MINAR1: variants seen among roughly 807,000 people sequenced by gnomAD.
MINAR1 encodes membrane integral NOTCH2 associated receptor 1, also known as major intrinsically disordered Notch2-binding receptor 1.
MINAR1 carries 40 observed loss-of-function variants against 65.1 expected under a neutral mutation model. That is an observed-to-expected ratio of 0.61 (90% CI 0.48 to 0.80). The LOEUF (loss-of-function observed/expected upper bound fraction) is 0.80. MINAR1 is among the 30% of genes least tolerant of loss of function. The pLI is 0.00. For synonymous variants in MINAR1, 482 were observed against 449.1 expected (o/e 1.07, Z -0.93); for missense variants, 1,128 against 1,148.0 (o/e 0.98, Z 0.25).
rs975021691 is a variant in MINAR1 at position 79,469,859 on chromosome 15, G to A, written c.*1475G>A. 5.9e-5 allele frequency: 9 copies of A among 152,628 alleles called. No individual in the cohort carries two copies. Among genetic ancestry groups the A allele is most frequent in the Non-Finnish European group, 7.3e-5 (5 of 68,044 alleles). 9.5% of individuals were successfully genotyped at this position (152,628 alleles called of 1,614,324 possible). On this transcript the variant is annotated 3_prime_UTR_variant, in exon 4 of 4. Coordinates refer to ENST00000305428, the MANE Select transcript of MINAR1 (RefSeq NM_015206.3). The stretch of plus-strand genomic sequence containing the variant: ...TTTTGGTAGCAAGTGTAATCACTCC[G>A]TATGATATAATAAATTTCTAAAAGA...
At chr15:79,431,178 G>GAAGGA (rs1894426894), upstream of MINAR1, among the ~76,000 whole-genome samples, 1 of 144,320 alleles carries the variant, frequency 6.9e-6, no homozygotes, top group Non-Finnish European at 1.5e-5. Flanking sequence ...CGGTGGCAGG[G>GAAGGA]AAGGAGGTGG....
chr15:79,411,572 G>A, the MINAR1 span: 1 of 694,314 alleles, frequency 1.4e-6, no homozygotes, highest in Non-Finnish European at 2.6e-6. Context: ...TGAAGTGGGA[G>A]GAAGCTGCTG....
At chr15:79,459,947 T>G (rs74937466) in intron 2 of MINAR1, among the ~76,000 whole-genome samples, 7,308 of 152,210 alleles carry the variant, frequency 0.048, 376 homozygotes, top group East Asian at 0.29. Context: ...GTGCTTTGGG[T>G]TTCAGATATC....
chr15:79,454,133 G>T (rs1373092343), intron 1 of MINAR1, among the ~76,000 whole-genome samples: 1 of 152,206 alleles, frequency 6.6e-6, no homozygotes, highest in Non-Finnish European at 1.5e-5. Flanking sequence ...TCCATCAGAC[G>T]GATTGGAAGG....
chr15:79,439,802 G>A (rs918730207), intron 1 of MINAR1, among the ~76,000 whole-genome samples: 3 of 151,960 alleles, frequency 2.0e-5, no homozygotes, highest in South Asian at 2.1e-4. Context: ...GAAAGAACAC[G>A]GTGATTCTGA....
chr15:79,452,048 ATG>A (rs1018655379), intron 1 of MINAR1, among the ~76,000 whole-genome samples: 1 of 151,970 alleles, frequency 6.6e-6, no homozygotes, highest in East Asian at 1.9e-4. Context: ...GTGTTTGTGA[ATG>A]TGTGTGTGTG....
chr15:79,427,529 G>T (rs1211082647), upstream of MINAR1: 2 of 152,110 alleles, frequency 1.3e-5, no homozygotes, highest in African/African-American at 2.4e-5. Context: ...TAAGAGCTGG[G>T]GAGTGGCTCT....
chr15:79,434,187 G>A (rs1425272370), intron 1 of MINAR1, among the ~76,000 whole-genome samples: 2 of 152,226 alleles, frequency 1.3e-5, no homozygotes, highest in Non-Finnish European at 2.9e-5. Flanking sequence ...TTTCTGATGA[G>A]TTTGGTGAGG....
chr15:79,446,844 C>A (rs145042531), intron 1 of MINAR1, among the ~76,000 whole-genome samples: 2 of 152,220 alleles, frequency 1.3e-5, no homozygotes, highest in African/African-American at 4.8e-5. Flanking sequence ...CTTCTATGCT[C>A]ATGTCTCTTA....
intron 1 of MINAR1, among the ~76,000 whole-genome samples, chr15:79,447,727 C>T (rs1895064661): frequency 1.3e-5 from 2 of 152,262 alleles, no homozygotes; most frequent in East Asian, 1.9e-4. Flanking sequence ...AGTTCTTGCA[C>T]ACCGTGACAA....
chr15:79,442,605 A>AC (rs1307064701), intron 1 of MINAR1, among the ~76,000 whole-genome samples: 1 of 151,704 alleles, frequency 6.6e-6, no homozygotes, highest in African/African-American at 2.4e-5. Flanking sequence ...AAAAAAAAAA[A>AC]AAAAACTTCC....
intron 2 of MINAR1, among the ~76,000 whole-genome samples, chr15:79,459,754 T>G (rs1213289312): frequency 6.6e-6 from 1 of 152,186 alleles, no homozygotes; most frequent in Non-Finnish European, 1.5e-5. Context: ...TGATTTTAAA[T>G]AAACCTCTAG....
chr15:79,455,967 T>C (rs995093756), intron 1 of MINAR1, 131 bp from the exon 2 acceptor site: 8 of 593,316 alleles, frequency 1.3e-5, no homozygotes, highest in Non-Finnish European at 1.8e-5. Flanking sequence ...TTACTGTCCT[T>C]ATTACATTTT....
the MINAR1 span, chr15:79,418,913 A>G: frequency 0.4 from 61,131 of 152,100 alleles, 12,646 homozygotes; most frequent in South Asian, 0.54. Flanking sequence ...ATCTTCTCCC[A>G]GCCCAGCAGG....
chr15:79,462,308 A>C (rs933384653), intron 2 of MINAR1, among the ~76,000 whole-genome samples: 1 of 152,206 alleles, frequency 6.6e-6, no homozygotes. Flanking sequence ...CAGTTCTAAG[A>C]GGTCACATAA....
chr15:79,431,537 G>C (rs1295754045), upstream of MINAR1, among the ~76,000 whole-genome samples: 1 of 152,060 alleles, frequency 6.6e-6, no homozygotes, highest in Non-Finnish European at 1.5e-5. Flanking sequence ...AAACAGGGAG[G>C]GGTGGTCACG....
chr15:79,436,854 A>G (rs1468073923), intron 1 of MINAR1, among the ~76,000 whole-genome samples: 1 of 152,224 alleles, frequency 6.6e-6, no homozygotes, highest in Non-Finnish European at 1.5e-5. Flanking sequence ...TTCATACTGC[A>G]AAAACTCTCA....
chr15:79,443,398 C>T (rs575477077), intron 1 of MINAR1, among the ~76,000 whole-genome samples: 35 of 152,332 alleles, frequency 2.3e-4, no homozygotes, highest in African/African-American at 8.4e-4. Context: ...CAAGGTCCTC[C>T]TGGTTTCACC....
At chr15:79,423,913 A>G in the MINAR1 span, 1 of 152,228 alleles carries the variant, frequency 6.6e-6, no homozygotes, top group Non-Finnish European at 1.5e-5. Context: ...TTCTGTTGAC[A>G]TCTCTGCATT....
Sources: gnomAD v4.1 joint callset for allele counts (sites outside exome capture counted in the v4.1 genomes callset) on GRCh38, gnomAD v4.1.1 for gene constraint, MANE v1.5 for transcripts, NCBI Gene and HGNC (gene_info 2026-07-23, HGNC 2026-07-21) for gene names.